RHPN2: variants seen among roughly 807,000 people sequenced by gnomAD.
RHPN2 encodes rhophilin-2.
In RHPN2, 40 loss-of-function variants were observed where a neutral mutation model predicts 79.0. The observed-to-expected ratio is 0.51, with a 90% CI of 0.39 to 0.66. The LOEUF (loss-of-function observed/expected upper bound fraction) is 0.66, where lower values mean the gene tolerates loss of function less well. Among genes scored for constraint, RHPN2 ranks in the 30% least tolerant of loss-of-function variants. RHPN2 has a pLI of 0.00. For missense variants in RHPN2, 686 were observed against 883.5 expected (o/e 0.78, Z 2.83); for synonymous variants, 285 against 363.5 (o/e 0.78, Z 2.46).
At chr19:32,988,233 CA>C (rs2146000221) in intron 14 of RHPN2, among the ~76,000 whole-genome samples, 1 of 151,342 alleles carries the variant, frequency 6.6e-6, no homozygotes, top group Non-Finnish European at 1.5e-5. Context: ...ACAAAACAAA[CA>C]AAACAACAAC....
At chr19:33,006,016 A>T (rs1297748254) in intron 7 of RHPN2, among the ~76,000 whole-genome samples, 1 of 151,958 alleles carries the variant, frequency 6.6e-6, no homozygotes, top group Non-Finnish European at 1.5e-5. Context: ...AGTAGCTGAG[A>T]CTACAGGCAT....
intron 2 of RHPN2, among the ~76,000 whole-genome samples, chr19:33,032,757 C>T (rs1972023564): frequency 6.6e-6 from 1 of 152,104 alleles, no homozygotes; most frequent in African/African-American, 2.4e-5. Flanking sequence ...ATCCTCCCAT[C>T]CCTCAGTATC....
intron 2 of RHPN2, among the ~76,000 whole-genome samples, chr19:33,034,881 T>C (rs1972044636): frequency 6.6e-6 from 1 of 151,986 alleles, no homozygotes; most frequent in African/African-American, 2.4e-5. Context: ...GGAGGACTGC[T>C]TGAGGCTAGG....
chr19:32,994,054 C>G lies in RHPN2; in HGVS notation c.1421-1G>C. 1 of 1,606,062 alleles carries G rather than the reference C, an allele frequency of 6.2e-7. No individual in the cohort carries two copies. Among genetic ancestry groups the G allele is most frequent in the East Asian group, 2.2e-5 (1 of 44,798 alleles). ...ATGTCAACCTCTTGCTCAGTTTTAGCTAGAATAGAGGATTAGAAATGGGAG... is the reference window on the plus strand; with the variant it reads ...ATGTCAACCTCTTGCTCAGTTTTAGGTAGAATAGAGGATTAGAAATGGGAG... On this transcript the variant is annotated splice_acceptor_variant, in intron 11 of 14. Transcript: ENST00000254260. LOFTEE classifies it high-confidence loss of function.
At chr19:32,984,077 G>A (rs1462376141) in intron 14 of RHPN2, among the ~76,000 whole-genome samples, 2 of 152,182 alleles carry the variant, frequency 1.3e-5, no homozygotes, top group Non-Finnish European at 2.9e-5. Flanking sequence ...CGAGGCCCAA[G>A]GAGGGTATGA....
intron 12 of RHPN2, 158 bp from the exon 13 acceptor site, chr19:32,992,127 G>A (rs1971665187): frequency 2.8e-6 from 2 of 725,534 alleles, no homozygotes; most frequent in Non-Finnish European, 4.8e-6. Flanking sequence ...AGTCATGCGA[G>A]AACCTGGAAA....
At chr19:33,034,409 T>G (rs1429383281) in intron 2 of RHPN2, among the ~76,000 whole-genome samples, 1 of 151,058 alleles carries the variant, frequency 6.6e-6, no homozygotes, top group Non-Finnish European at 1.5e-5. Context: ...ATCAAGACCA[T>G]CCTGGCTAAC....
At chr19:33,026,979 G>A (rs1181850523) in intron 2 of RHPN2, 3 of 343,118 alleles carry the variant, frequency 8.7e-6, no homozygotes, top group South Asian at 2.3e-5. Context: ...GATTCCAGCC[G>A]GGCATGGTGG....
intron 11 of RHPN2, 40 bp downstream of exon 11, chr19:32,995,986 C>G (rs1971697322): frequency 6.2e-7 from 1 of 1,608,350 alleles, no homozygotes; most frequent in Admixed American, 1.7e-5. Context: ...TTCCGCGGCA[C>G]AGGCACCCCC....
At chr19:33,052,125 T>A (rs897709629) in intron 1 of RHPN2, among the ~76,000 whole-genome samples, 4 of 151,432 alleles carry the variant, frequency 2.6e-5, no homozygotes, top group Admixed American at 6.6e-5. Flanking sequence ...AAAAAAAAAA[T>A]ATAAAACTGG....
At chr19:33,048,427 A>G (rs1437031964) in intron 1 of RHPN2, among the ~76,000 whole-genome samples, 1 of 151,678 alleles carries the variant, frequency 6.6e-6, no homozygotes, top group East Asian at 1.9e-4. Flanking sequence ...CTTCAGATTT[A>G]AGATTAAAAT....
chr19:33,010,354 G>T (rs1971825653), intron 6 of RHPN2, among the ~76,000 whole-genome samples: 1 of 150,836 alleles, frequency 6.6e-6, no homozygotes, highest in Admixed American at 6.7e-5. Context: ...GAGAAGGGGT[G>T]CAGCATCTCC....
chr19:32,995,822 G>A lies in RHPN2; in HGVS notation c.1420+204C>T, dbSNP rs556207786. On this transcript the variant is annotated intron_variant, in intron 11 of 14. Transcript: ENST00000254260. ...TGCAGTGAGCCGAGATCACGCCACT[G>A]CACTCCAGCCTGGGCAACAGAGCGA... Among the ~76,000 whole-genome samples the A allele has an allele frequency of 5.3e-5, 8 of 152,308 alleles. No homozygotes were observed. The South Asian group carries it at 1.7e-3, about 32-fold the overall frequency.
At chr19:33,034,713 G>A (rs1454618445) in intron 2 of RHPN2, among the ~76,000 whole-genome samples, 3 of 148,780 alleles carry the variant, frequency 2.0e-5, no homozygotes, top group East Asian at 2.1e-4. Flanking sequence ...CCTGGGAGGC[G>A]GAGGCTGTGG....
Position 33,029,831 on chromosome 19 carries a change from C to T in RHPN2, c.186-3199G>A, listed in dbSNP as rs568215870. ...CATGGGGTGAAATTGGGAGGAGGCC[C>T]GGCCCAGGCTTCTAGGGGTCCTCTC... On this transcript the variant is annotated intron_variant, in intron 2 of 14. Coordinates refer to ENST00000254260, the MANE Select transcript of RHPN2 (RefSeq NM_033103.5). Among the ~76,000 whole-genome samples the T allele has an allele frequency of 3.3e-4, 50 of 152,228 alleles. 1 individual carries two copies. In the South Asian group the frequency reaches 9.1e-3, roughly 28 times the overall value.
chr19:33,019,956 G>C (rs534231777), intron 4 of RHPN2, among the ~76,000 whole-genome samples: 1 of 152,222 alleles, frequency 6.6e-6, no homozygotes, highest in South Asian at 2.1e-4. Context: ...AACTGATGGA[G>C]TTGAAGAGGG....
At chr19:33,045,252 A>G (rs1350147465) in intron 1 of RHPN2, among the ~76,000 whole-genome samples, 1 of 151,878 alleles carries the variant, frequency 6.6e-6, no homozygotes, top group African/African-American at 2.4e-5. Context: ...GGGTTTCGCC[A>G]TGTTGCCCAG....
At chr19:33,038,865 C>T (rs1309752632) in intron 2 of RHPN2, among the ~76,000 whole-genome samples, 1 of 152,068 alleles carries the variant, frequency 6.6e-6, no homozygotes, top group African/African-American at 2.4e-5. Flanking sequence ...ACCATGTTGG[C>T]CAGGCTGGCC....
chr19:33,002,374 T>C lies in RHPN2; in HGVS notation c.978A>G (p.Ala326=). The change falls in exon 9 of 15, where the codon GCA becomes GCG. Residue 326 remains alanine (A), a synonymous_variant. Coordinates refer to ENST00000254260, the MANE Select transcript of RHPN2 (RefSeq NM_033103.5). The part of the protein sequence containing the change: ...KVGEVYQQLH[A]AMSQAPVKEN... ...CTTTCACCGGCGCCTGGCTCATGGC[T>C]GCGTGTAGCTGTTGGTAGACCTCTC... 1 of 1,613,926 alleles carries C rather than the reference T, an allele frequency of 6.2e-7. No individual in the cohort carries two copies. The highest frequency in any genetic ancestry group is 8.5e-7 in the Non-Finnish European group (1 of 1,179,860).
Sources: gnomAD v4.1 joint callset for allele counts (sites outside exome capture counted in the v4.1 genomes callset) on GRCh38, gnomAD v4.1.1 for gene constraint, MANE v1.5 for transcripts, NCBI Gene and HGNC (gene_info 2026-07-23, HGNC 2026-07-21) for gene names.